ABL2: variants seen among roughly 807,000 people sequenced by gnomAD.
ABL2 encodes the protein ABL proto-oncogene 2, non-receptor tyrosine kinase, also known as tyrosine-protein kinase ABL2.
Under a neutral mutation model 107.7 loss-of-function variants are expected in ABL2, and 49 were observed. The observed-to-expected ratio is 0.45, with a 90% CI of 0.36 to 0.58. The LOEUF (loss-of-function observed/expected upper bound fraction) is 0.58. Among genes scored for constraint, ABL2 ranks in the 20% least tolerant of loss-of-function variants. The pLI is 0.00. For synonymous variants in ABL2, 549 were observed against 548.6 expected, an observed-to-expected ratio of 1.00 and a Z score of -0.01; for missense variants, 1,245 against 1,457.0, an observed-to-expected ratio of 0.85 and a Z score of 2.37.
chr1:179,205,658 T>A (rs1308358757), intron 1 of ABL2, among the ~76,000 whole-genome samples: 1 of 152,160 alleles, frequency 6.6e-6, no homozygotes, highest in African/African-American at 2.4e-5. Context: ...CTGATCCATA[T>A]GGGACATGTA....
chr1:179,169,782 G>A (rs553658272), intron 1 of ABL2, among the ~76,000 whole-genome samples: 1 of 152,210 alleles, frequency 6.6e-6, no homozygotes, highest in Non-Finnish European at 1.5e-5. Context: ...AATGACTCAT[G>A]CTTGTAATCC....
chr1:179,207,185 T>C (rs1369286980), intron 1 of ABL2, among the ~76,000 whole-genome samples: 1 of 151,782 alleles, frequency 6.6e-6, no homozygotes, highest in Non-Finnish European at 1.5e-5. Flanking sequence ...TTTTTTTTGT[T>C]AGGGCCTCTA....
chr1:179,218,585 T>C (rs550385487), intron 1 of ABL2, among the ~76,000 whole-genome samples: 2 of 152,132 alleles, frequency 1.3e-5, no homozygotes, highest in Non-Finnish European at 2.9e-5. Context: ...TTAGTAGAGA[T>C]GGGGTTTCAC....
In ABL2 at chr1:179,198,120, G is replaced by C. The variant is rs1375548476; in HGVS notation, c.157+31121C>G. On this transcript the variant is annotated intron_variant, in intron 1 of 11. Coordinates refer to ENST00000502732, the MANE Select transcript of ABL2 (RefSeq NM_007314.4). ...CCTGAGGAGGTCAAAGCTGCAACGA[G>C]TTGTGCCACGCCACTGCACTCCAGC... is the stretch of plus-strand genomic sequence containing the variant. Among the ~76,000 whole-genome samples the C allele has an allele frequency of 4.1e-5, 6 of 144,632 alleles. 1 individual carries two copies. The South Asian group carries it at 1.3e-3, about 32-fold the overall frequency. The allele number at this position is 144,632 out of a possible 152,430, so 94.9% of individuals were successfully genotyped here. A position where few individuals can be genotyped will look rare whatever the true frequency, so the allele number is the denominator to read the frequency against.
At chr1:179,214,278 AC>A (rs1012916905) in intron 1 of ABL2, among the ~76,000 whole-genome samples, 4 of 152,098 alleles carry the variant, frequency 2.6e-5, no homozygotes, top group East Asian at 1.9e-4. Flanking sequence ...ACATCAATTC[AC>A]CCCCAAATTA....
rs547932938 is a variant in ABL2, at chr1:179,105,335, C to T, written c.*2383G>A. ...CTTAAAAAACAAAAAACAAAAAAAC[C>T]CTGAAAAACAATTACAATCCCTTAA... On this transcript the variant is annotated 3_prime_UTR_variant, in exon 12 of 12. Transcript: ENST00000502732. The T allele has an allele frequency of 4.3e-6, 1 of 231,464 alleles. No individual in the cohort carries two copies. Among genetic ancestry groups the T allele is most frequent in the South Asian group, 1.8e-4 (1 of 5,472 alleles). 14.3% of individuals were successfully genotyped at this position (231,464 alleles called of 1,614,324 possible). A position where few individuals can be genotyped will look rare whatever the true frequency, so the allele number is the denominator to read the frequency against.
At chr1:179,112,795 C>A (rs750871408) in intron 9 of ABL2, among the ~76,000 whole-genome samples, 63 of 151,716 alleles carry the variant, frequency 4.2e-4, no homozygotes, top group Non-Finnish European at 8.4e-4. Context: ...AACTCTGTCA[C>A]CCAGGCTGGA....
At chr1:179,121,505 T>C in intron 5 of ABL2, 90 bp downstream of exon 5, 1 of 1,514,600 alleles carries the variant, frequency 6.6e-7, no homozygotes, top group Non-Finnish European at 9.0e-7. Flanking sequence ...TGGAAAGTGT[T>C]CCAAAGTTAA....
In ABL2 at chr1:179,107,198, C is replaced by T; in HGVS notation, c.*520G>A. 1 of 234,014 alleles carries T rather than the reference C, an allele frequency of 4.3e-6. No individual in the cohort carries two copies. The highest frequency in any genetic ancestry group is 8.4e-6 in the Non-Finnish European group (1 of 118,590). The allele number at this position is 234,014 out of a possible 1,614,324, so 14.5% of individuals were successfully genotyped here. On this transcript the variant is annotated 3_prime_UTR_variant, in exon 12 of 12. Coordinates refer to ENST00000502732, the MANE Select transcript of ABL2 (RefSeq NM_007314.4). ...CTCTGATTTGCAGTTCTTATTACAG[C>T]AGCAATGGCCTTGTGGAAGCAAGGC...
chr1:179,155,735 A>T (rs770047766), intron 1 of ABL2, among the ~76,000 whole-genome samples: 42 of 88,364 alleles, frequency 4.8e-4, no homozygotes, highest in African/African-American at 2.2e-3. Flanking sequence ...CATCTCAATT[A>T]AAAAAAAAAA....
intron 4 of ABL2, among the ~76,000 whole-genome samples, chr1:179,123,499 C>T (rs1192517186): frequency 6.6e-6 from 1 of 151,492 alleles, no homozygotes; most frequent in African/African-American, 2.4e-5. Flanking sequence ...AGCAAGACTC[C>T]ATCTAAAAAA....
At chr1:179,174,292 A>T (rs1247497660) in intron 1 of ABL2, among the ~76,000 whole-genome samples, 5 of 138,226 alleles carry the variant, frequency 3.6e-5, no homozygotes, top group Non-Finnish European at 7.9e-5. Context: ...TGTCTCCAAT[A>T]AAAAAAAAAA....
chr1:179,207,187 G>A (rs1162921084), intron 1 of ABL2, among the ~76,000 whole-genome samples: 8 of 146,320 alleles, frequency 5.5e-5, no homozygotes, highest in Non-Finnish European at 1.2e-4. Context: ...TTTTTTGTTA[G>A]GGCCTCTACC....
intron 1 of ABL2, among the ~76,000 whole-genome samples, chr1:179,153,324 G>C (rs28914503): frequency 0.058 from 8,811 of 151,976 alleles, 342 homozygotes; most frequent in Middle Eastern, 0.11. Context: ...TCCTGCAGCT[G>C]CTATAACCAT....
At chr1:179,151,917 C>T (rs1178855825) in intron 1 of ABL2, among the ~76,000 whole-genome samples, 1 of 152,182 alleles carries the variant, frequency 6.6e-6, no homozygotes, top group Non-Finnish European at 1.5e-5. Flanking sequence ...AAGGTTCAAA[C>T]AGGATGCATT....
intron 1 of ABL2, among the ~76,000 whole-genome samples, chr1:179,172,864 C>T (rs1176620127): frequency 6.6e-6 from 1 of 152,116 alleles, no homozygotes; most frequent in Admixed American, 6.6e-5. Flanking sequence ...AACATAGATA[C>T]AGTAAGCCCT....
intron 1 of ABL2, among the ~76,000 whole-genome samples, chr1:179,205,138 T>A (rs1163114827): frequency 2.0e-5 from 3 of 151,818 alleles, no homozygotes; most frequent in East Asian, 3.9e-4. Flanking sequence ...GAGATTCTCC[T>A]GCCTCAGCCT....
At position 179,110,820 on chromosome 1, in the gene ABL2, C is replaced by T. The variant is rs117218074; in HGVS notation, c.1652-365G>A. 634 of 1,613,922 alleles carry T rather than the reference C, an allele frequency of 3.9e-4. 4 individuals carry two copies. In the East Asian group the frequency reaches 0.01, roughly 26 times the overall value. On this transcript the variant is annotated intron_variant, in intron 10 of 11. Coordinates refer to ENST00000502732, the MANE Select transcript of ABL2 (RefSeq NM_007314.4). ...GTCTTTTGGTTCACAATGTTATGCA[C>T]GTCTGATTGGCACAATGTAGGAGAA...
At chr1:179,142,893 G>A in intron 1 of ABL2, 1 of 1,602,126 alleles carries the variant, frequency 6.2e-7, no homozygotes, top group Non-Finnish European at 8.5e-7. Context: ...GATTAATGTG[G>A]TTATCAAGCC....
Sources: gnomAD v4.1 joint callset for allele counts (sites outside exome capture counted in the v4.1 genomes callset) on GRCh38, gnomAD v4.1.1 for gene constraint, MANE v1.5 for transcripts, NCBI Gene and HGNC (gene_info 2026-07-23, HGNC 2026-07-21) for gene names.